CCDC171: variants seen among roughly 807,000 people sequenced by gnomAD.
CCDC171 encodes the protein coiled-coil domain-containing protein 171.
In CCDC171, 177 loss-of-function variants were observed where a neutral mutation model predicts 168.2. The ratio of observed to expected loss-of-function variants is 1.05; its 90% CI spans 0.93 to 1.19. The LOEUF (loss-of-function observed/expected upper bound fraction) is 1.19. Ranked by LOEUF, CCDC171 falls within the 50% of genes most tolerant of loss-of-function variation. The probability of loss-of-function intolerance (pLI) is 0.00; values close to 1 mark genes in which losing one functional copy is unlikely to be tolerated. For synonymous variants in CCDC171, 687 were observed against 540.8 expected, an observed-to-expected ratio of 1.27 and a Z score of -3.75; for missense variants, 1,991 against 1,539.0, an observed-to-expected ratio of 1.29 and a Z score of -4.91.
At chr9:15,897,365 C>G (rs1423816319) in intron 24 of CCDC171, among the ~76,000 whole-genome samples, 2 of 151,766 alleles carry the variant, frequency 1.3e-5, no homozygotes, top group Non-Finnish European at 2.9e-5. Flanking sequence ...TTAAAAAAAT[C>G]TAAGTCTTCT....
chr9:15,677,901 TATATATATATATATATATATATATAA>T lies in CCDC171; in HGVS notation c.1077-856_1077-831del, dbSNP rs1474171327. Among the ~76,000 whole-genome samples, 15 of 20,698 alleles carry T rather than the reference TATATATATATATATATATATATATAA, an allele frequency of 7.2e-4. 1 individual carries two copies. Among genetic ancestry groups the T allele is most frequent in the African/African-American group, 1.3e-3 (6 of 4,552 alleles). 13.6% of individuals were successfully genotyped at this position (20,698 alleles called of 152,430 possible). On this transcript the variant is annotated intron_variant, in intron 9 of 25. Coordinates refer to ENST00000380701, the MANE Select transcript of CCDC171 (RefSeq NM_173550.4). ...TGTCATATATATATATATATATATATATATATATATATATATATATATATAAGAGATGTGGTCTCATTCTGTTACCT... is the reference window on the plus strand; with the variant it reads ...TGTCATATATATATATATATATATATGAGATGTGGTCTCATTCTGTTACCT...
intron 18 of CCDC171, among the ~76,000 whole-genome samples, chr9:15,760,709 A>G (rs1641459843): frequency 1.3e-5 from 2 of 152,212 alleles, no homozygotes; most frequent in African/African-American, 2.4e-5. Flanking sequence ...AGGTTCAATA[A>G]CAATAGCTTG....
chr9:15,744,536 T>C lies in CCDC171; in HGVS notation c.2313T>C (p.Thr771=). ...AGTTGTTCAAACTGGAAATTAGAAC[T>C]CTAGCCCAGGCTTTGTCAACTGTAG... ...TFELFKLEIR[T]LAQALSTVEE... The change falls in exon 17 of 26, where the codon ACT becomes ACC. Residue 771 remains threonine (T), a synonymous_variant. Coordinates refer to ENST00000380701, the MANE Select transcript of CCDC171 (RefSeq NM_173550.4). 6.2e-7 allele frequency: 1 copy of C among 1,614,182 alleles called. No individual in the cohort carries two copies. Among genetic ancestry groups the C allele is most frequent in the Non-Finnish European group, 8.5e-7 (1 of 1,180,026 alleles).
At chr9:16,004,134 A>G (rs1274772631) in intron 3 of CCDC171, among the ~76,000 whole-genome samples, 1 of 152,282 alleles carries the variant, frequency 6.6e-6, no homozygotes. Context: ...CTGAGATATG[A>G]TGGGAGCACC....
At chr9:15,670,909 C>G (rs887987428) in intron 9 of CCDC171, among the ~76,000 whole-genome samples, 1 of 151,786 alleles carries the variant, frequency 6.6e-6, no homozygotes, top group African/African-American at 2.4e-5. Context: ...TTGGGAGGCT[C>G]TGGTGGGAGG....
chr9:15,718,421 C>T (rs1261760358), intron 11 of CCDC171, among the ~76,000 whole-genome samples: 3 of 152,230 alleles, frequency 2.0e-5, no homozygotes, highest in Admixed American at 6.5e-5. Flanking sequence ...AGGAGAAGGA[C>T]ACAATCCTGG....
intron 24 of CCDC171, among the ~76,000 whole-genome samples, chr9:15,883,877 A>T (rs1407580575): frequency 6.6e-6 from 1 of 152,196 alleles, no homozygotes; most frequent in Non-Finnish European, 1.5e-5. Flanking sequence ...AAAAATAATT[A>T]GGAAGGAAAT....
At chr9:15,601,697 T>C (rs140845406) in intron 6 of CCDC171, among the ~76,000 whole-genome samples, 1 of 152,172 alleles carries the variant, frequency 6.6e-6, no homozygotes, top group Non-Finnish European at 1.5e-5. Context: ...AGAAGAGAAG[T>C]TGATTAGCTG....
At chr9:15,659,722 G>T (rs1411478151) in intron 8 of CCDC171, among the ~76,000 whole-genome samples, 1 of 152,132 alleles carries the variant, frequency 6.6e-6, no homozygotes, top group Non-Finnish European at 1.5e-5. Flanking sequence ...TTGTGCTCTT[G>T]AATTTCATAT....
intron 9 of CCDC171, 104 bp from the exon 10 acceptor site, chr9:15,678,654 T>C (rs1227562155): frequency 1.1e-6 from 1 of 889,230 alleles, no homozygotes; most frequent in East Asian, 2.9e-5. Flanking sequence ...TCTTTTAGCA[T>C]GAACACATGA....
chr9:16,004,594 G>A (rs906018925), intron 3 of CCDC171, among the ~76,000 whole-genome samples: 2 of 152,112 alleles, frequency 1.3e-5, no homozygotes, highest in African/African-American at 4.8e-5. Context: ...CACATCGTAT[G>A]ACTCTAGGTG....
At chr9:15,985,814 T>C (rs1831967973) in intron 3 of CCDC171, among the ~76,000 whole-genome samples, 3 of 152,242 alleles carry the variant, frequency 2.0e-5, no homozygotes, top group African/African-American at 7.2e-5. Context: ...TATGAGTCCC[T>C]TTGACAGACC....
At chr9:15,865,554 G>A (rs536192093) in intron 23 of CCDC171, among the ~76,000 whole-genome samples, 129 of 151,982 alleles carry the variant, frequency 8.5e-4, no homozygotes, top group African/African-American at 3.0e-3. Context: ...AAGAATATGA[G>A]GATGAAGACT....
At chr9:15,626,676 G>A (rs918901352) in intron 7 of CCDC171, among the ~76,000 whole-genome samples, 3 of 152,184 alleles carry the variant, frequency 2.0e-5, no homozygotes, top group Non-Finnish European at 4.4e-5. Context: ...ACTTGATCAT[G>A]GTGGATAAGC....
intron 9 of CCDC171, among the ~76,000 whole-genome samples, chr9:15,678,302 C>A (rs2049784937): frequency 6.6e-6 from 1 of 152,028 alleles, no homozygotes; most frequent in Non-Finnish European, 1.5e-5. Context: ...GATTATTTTT[C>A]CTTTTGGATT....
chr9:15,835,760 C>T (rs911952230), intron 21 of CCDC171, among the ~76,000 whole-genome samples: 16 of 152,050 alleles, frequency 1.1e-4, no homozygotes, highest in Non-Finnish European at 2.1e-4. Context: ...AAAGTTTATA[C>T]ATATTATATT....
chr9:15,898,050 C>A (rs975462697), intron 24 of CCDC171, among the ~76,000 whole-genome samples: 17 of 152,110 alleles, frequency 1.1e-4, no homozygotes, highest in Non-Finnish European at 2.1e-4. Context: ...GGTGTAACAC[C>A]AATACACCTA....
At chr9:15,723,293 T>A (rs1438757633) in intron 12 of CCDC171, among the ~76,000 whole-genome samples, 1 of 152,172 alleles carries the variant, frequency 6.6e-6, no homozygotes, top group African/African-American at 2.4e-5. Flanking sequence ...AGAACAGTCT[T>A]CTGCTCTGTT....
At chr9:15,982,508 C>A (rs73413913) in intron 3 of CCDC171, among the ~76,000 whole-genome samples, 11,681 of 152,142 alleles carry the variant, frequency 0.077, 1,472 homozygotes, top group African/African-American at 0.27. Context: ...AATCCCACTC[C>A]AAATTACTGG....
Sources: allele counts gnomAD v4.1 joint callset (sites outside exome capture counted in the v4.1 genomes callset), GRCh38; gene constraint gnomAD v4.1.1; transcripts MANE v1.5; gene names NCBI Gene and HGNC (gene_info 2026-07-23, HGNC 2026-07-21).